The following KRT2 variants were observed in gnomAD, a reference collection of about 807,000 sequenced individuals.
The protein encoded by KRT2 is keratin 2.
In KRT2, 37 loss-of-function variants were observed where a neutral mutation model predicts 48.5. That is an observed-to-expected ratio of 0.76 (90% CI 0.59 to 1.00). The LOEUF (loss-of-function observed/expected upper bound fraction) is 1.00, where lower values mean the gene tolerates loss of function less well. KRT2 is among the 50% of genes least tolerant of loss of function. KRT2 has a pLI of 0.00. For missense variants in KRT2, 880 were observed against 815.2 expected (o/e 1.08, Z -0.97); for synonymous variants, 324 against 312.2 (o/e 1.04, Z -0.40).
intron 3 of KRT2, 29 bp from the exon 4 acceptor site, chr12:52,649,131 A>T: frequency 1.4e-6 from 2 of 1,394,434 alleles, no homozygotes; most frequent in South Asian, 2.3e-5. Context: ...CCTCTGGTGT[A>T]TGGTTCCCTG....
Position 52,645,294 on chromosome 12 carries a change from T to G in KRT2, c.1645A>C (p.Arg549=), listed in dbSNP as rs751091207. The part of the protein sequence containing the change: ...YGSGGRQSGS[R]GGSGGGGSIS... ...GAACCTCCTCCTCCACTACCGCCTC[T>G]GGAGCCAGACTGTCGGCCTCCAGAG... Residue 549 remains arginine (R), a synonymous_variant, in exon 9 of 9, where the codon AGA becomes CGA. Transcript: ENST00000309680. 1 of 1,614,074 alleles carries G rather than the reference T, an allele frequency of 6.2e-7. No homozygotes were observed. The highest frequency in any genetic ancestry group is 8.5e-7 in the Non-Finnish European group (1 of 1,180,004).
Position 52,646,957 on chromosome 12 carries a change from T to A in KRT2, c.1252A>T (p.Lys418Ter). ...GEIAHVKKQC[K>*]NVQDAIADAE... is the part of the protein sequence containing the mutation. ...TCTGCGATGGCATCTTGCACATTCTTACACTATGACAGAAGGACAGAGAAT... is the reference window on the plus strand; with the variant it reads ...TCTGCGATGGCATCTTGCACATTCTAACACTATGACAGAAGGACAGAGAAT... The change falls in exon 7 of 9, where the codon AAG (lysine) becomes TAG (stop). Residue 418 changes from lysine (K) to a stop codon, truncating the protein, a stop_gained. Coordinates refer to ENST00000309680, the MANE Select transcript of KRT2 (RefSeq NM_000423.3). LOFTEE classifies it high-confidence loss of function. The A allele has an allele frequency of 6.2e-7, 1 of 1,613,690 alleles. No homozygotes were observed. Among genetic ancestry groups the A allele is most frequent in the East Asian group, 2.2e-5 (1 of 44,876 alleles).
intron 6 of KRT2, 99 bp downstream of exon 6, chr12:52,647,631 G>C (rs925040620): frequency 8.6e-6 from 12 of 1,391,124 alleles, no homozygotes; most frequent in African/African-American, 1.4e-5. Context: ...CAATATCTCA[G>C]TGTCTCTCAT....
intron 7 of KRT2, among the ~76,000 whole-genome samples, chr12:52,646,078 A>G (rs2120938416): frequency 6.6e-6 from 1 of 152,274 alleles, no homozygotes. Flanking sequence ...TTGCCTCTAG[A>G]CAGGGACAGA....
rs1941169520 is a variant in KRT2 at position 52,646,814 on chromosome 12, C to T, written c.1395G>A (p.Glu465=). ...DLARLLRDYQ[E]LMNVKLALDV... ...CTAGGGCCAGCTTCACGTTCATCAG[C>T]TCCTGGTAGTCACGCAGCAGCCGCG... Residue 465 remains glutamate (E), a synonymous_variant, in exon 7 of 9, where the codon GAG becomes GAA. Transcript: ENST00000309680. 6.2e-7 allele frequency: 1 copy of T among 1,614,188 alleles called. No homozygotes were observed. Among genetic ancestry groups the T allele is most frequent in the Non-Finnish European group, 8.5e-7 (1 of 1,180,020 alleles).
rs778595124 is a variant in KRT2, at chr12:52,646,914, TC to T, written c.1294del (p.Glu432SerfsTer11). 1.9e-6 allele frequency: 3 copies of T among 1,614,164 alleles called. No individual in the cohort carries two copies. The highest frequency in any genetic ancestry group is 1.3e-5 in the African/African-American group (1 of 75,048). The stretch of plus-strand genomic sequence containing the variant: ...GTTCCTGGCATCCTTGAGGGCATGC[TC>T]CCCACGCTGCTCGGCATCTGCGATG... ...DAIADAEQRG[E>X]HALKDARNKL... is the part of the protein sequence containing the mutation. On this transcript the variant is annotated frameshift_variant, in exon 7 of 9. Coordinates refer to ENST00000309680, the MANE Select transcript of KRT2 (RefSeq NM_000423.3). LOFTEE classifies it high-confidence loss of function.
At position 52,648,244 on chromosome 12, in the gene KRT2, C is replaced by T. The variant is rs751634621; in HGVS notation, c.1051G>A (p.Glu351Lys). The change falls in exon 5 of 9, where the codon GAG becomes AAG. Residue 351 changes from glutamate (E) to lysine (K), a missense_variant. Glu to Lys is a moderately conservative substitution (Grantham distance 56, BLOSUM62 1). Coordinates refer to ENST00000309680, the MANE Select transcript of KRT2 (RefSeq NM_000423.3). ...ATCTCCTCATACTGGGCCTTGACCT[C>T]GGCGATGATGCTATCCAAGTCCAGG... is the stretch of plus-strand genomic sequence containing the variant. Reference protein sequence around the residue: ...RNLDLDSIIAEVKAQYEEIAQ... With the variant: ...RNLDLDSIIAKVKAQYEEIAQ... 1.2e-5 allele frequency: 19 copies of T among 1,613,996 alleles called. No individual in the cohort carries two copies. The highest frequency in any genetic ancestry group is 1.4e-5 in the Non-Finnish European group (17 of 1,180,018).
Position 52,644,766 on chromosome 12 carries a change from G to A in KRT2, c.*253C>T. On this transcript the variant is annotated 3_prime_UTR_variant, in exon 9 of 9. Transcript: ENST00000309680. ...AGAGGCATGGTGGGGGCGGGAATGG[G>A]CATGGCTAGAAGCACAAACCTAGAC... 2.2e-5 allele frequency: 12 copies of A among 556,618 alleles called. No individual in the cohort carries two copies. The South Asian group carries it at 2.5e-4, about 12-fold the overall frequency. 34.5% of individuals were successfully genotyped at this position (556,618 alleles called of 1,614,324 possible).
Position 52,648,196 on chromosome 12 carries a change from C to T in KRT2, c.1099G>A (p.Ala367Thr), listed in dbSNP as rs527315226. ...EEIAQRSKEE[A>T]EALYHSKYEE... is the part of the protein sequence containing the mutation. ...GCCTTGCTGTGGTACAGGGCCTCCG[C>T]TTCTTCCTTGCTCCTCTGGGCGATC... Residue 367 changes from alanine (A) to threonine (T), a missense_variant, in exon 5 of 9, where the codon GCG becomes ACG. Physicochemically the swap from Ala to Thr is moderately conservative, Grantham distance 58 (BLOSUM62 0). Coordinates refer to ENST00000309680, the MANE Select transcript of KRT2 (RefSeq NM_000423.3). The T allele has an allele frequency of 4.9e-5, 79 of 1,614,096 alleles. No individual in the cohort carries two copies. Among genetic ancestry groups the T allele is most frequent in the Non-Finnish European group, 6.3e-5 (74 of 1,180,038 alleles).
At chr12:52,648,397 G>A in intron 4 of KRT2, 60 bp from the exon 5 acceptor site, 1 of 1,424,882 alleles carries the variant, frequency 7.0e-7, no homozygotes, top group Non-Finnish European at 9.9e-7. Flanking sequence ...CAGACAGGAG[G>A]CCTCTGTCTC....
At position 52,644,739 on chromosome 12, in the gene KRT2, A is replaced by G. The variant is rs1340526321; in HGVS notation, c.*280T>C. On this transcript the variant is annotated 3_prime_UTR_variant, in exon 9 of 9. Transcript: ENST00000309680. ...TACACATCTGGAAAATGGGCAATGC[A>G]AAGAGGCATGGTGGGGGCGGGAATG... is the stretch of plus-strand genomic sequence containing the variant. 6.0e-6 allele frequency: 3 copies of G among 502,492 alleles called. No homozygotes were observed. The highest frequency in any genetic ancestry group is 3.9e-5 in the African/African-American group (2 of 51,822). 31.1% of individuals were successfully genotyped at this position (502,492 alleles called of 1,614,324 possible).
chr12:52,652,119 T>C lies in KRT2; in HGVS notation c.24A>G (p.Lys8=). 6.4e-7 allele frequency: 1 copy of C among 1,558,458 alleles called. No homozygotes were observed. ...CTCCACCTCCTCCTCTTCCTCGAGATTTGCAAGAGATCTGACAACTCATGA... is the reference window on the plus strand; with the variant it reads ...CTCCACCTCCTCCTCTTCCTCGAGACTTGCAAGAGATCTGACAACTCATGA... MSCQISC[K]SRGRGGGGGG... Residue 8 remains lysine, a synonymous_variant, in exon 1 of 9, where the codon AAA becomes AAG. Transcript: ENST00000309680.
At chr12:52,649,253 G>A (rs544109794) in intron 3 of KRT2, 151 bp from the exon 4 acceptor site, 64 of 680,114 alleles carry the variant, frequency 9.4e-5, no homozygotes, top group Middle Eastern at 7.9e-4. Context: ...TTCTTTTGTC[G>A]TGCAGTTTAC....
chr12:52,651,801 A>G lies in KRT2; in HGVS notation c.342T>C (p.Gly114=). 1 of 1,415,878 alleles carries G rather than the reference A, an allele frequency of 7.1e-7. No individual in the cohort carries two copies. The highest frequency in any genetic ancestry group is 9.7e-7 in the Non-Finnish European group (1 of 1,032,898). The allele number at this position is 1,415,878 out of a possible 1,614,324, so 87.7% of individuals were successfully genotyped here. Reference sequence around the variant, plus strand: ...AGCGGCCTCCACCAAAGCCGCCTCCACCGAAACCACCACCACTGAAGCCGC... The same window carrying G: ...AGCGGCCTCCACCAAAGCCGCCTCCGCCGAAACCACCACCACTGAAGCCGC... The part of the protein sequence containing the change: ...GGSGFSGGGF[G]GGGFGGGRFG... The change falls in exon 1 of 9, where the codon GGT becomes GGC. Residue 114 remains glycine (G), a synonymous_variant. Transcript: ENST00000309680.
At chr12:52,648,902 C>T (rs987885962) in intron 4 of KRT2, 105 bp downstream of exon 4, 8 of 773,546 alleles carry the variant, frequency 1.0e-5, no homozygotes, top group African/African-American at 1.7e-5. Context: ...TTGAAGTCAG[C>T]TGGTCCATAA....
intron 6 of KRT2, among the ~76,000 whole-genome samples, chr12:52,647,225 T>A (rs190981609): frequency 2.0e-5 from 3 of 152,330 alleles, no homozygotes; most frequent in Admixed American, 2.0e-4. Context: ...ATTTTACAGA[T>A]GGAAATGAAA....
intron 5 of KRT2, 64 bp from the exon 6 acceptor site, chr12:52,647,919 C>T: frequency 1.2e-6 from 2 of 1,605,910 alleles, no homozygotes; most frequent in East Asian, 2.2e-5. Context: ...TCCAGACTGA[C>T]TGGAGTGAAG....
Position 52,644,857 on chromosome 12 carries a change from T to G in KRT2, c.*162A>C. ...CTAACTAACTGGTTTGGAGAGAAGATCTTTCAAAAACTGTATGTGGACATT... is the reference window on the plus strand; with the variant it reads ...CTAACTAACTGGTTTGGAGAGAAGAGCTTTCAAAAACTGTATGTGGACATT... On this transcript the variant is annotated 3_prime_UTR_variant, in exon 9 of 9. Transcript: ENST00000309680. 1 of 732,950 alleles carries G rather than the reference T, an allele frequency of 1.4e-6. No individual in the cohort carries two copies. Among genetic ancestry groups the G allele is most frequent in the Non-Finnish European group, 2.3e-6 (1 of 443,816 alleles). The allele number at this position is 732,950 out of a possible 1,614,324, so 45.4% of individuals were successfully genotyped here. A position where few individuals can be genotyped will look rare whatever the true frequency, so the allele number is the denominator to read the frequency against.
At position 52,652,092 on chromosome 12, in the gene KRT2, TC is replaced by T; in HGVS notation, c.50del (p.Gly17GlufsTer27). 6.3e-7 allele frequency: 1 copy of T among 1,586,938 alleles called. No individual in the cohort carries two copies. The highest frequency in any genetic ancestry group is 8.5e-7 in the Non-Finnish European group (1 of 1,172,768). ...CKSRGRGGGGGGFRGFSSGSA... is the reference protein window; with the variant it reads ...CKSRGRGGGGXGFRGFSSGSA... ...AGCCGCTGCTGAAGCCCCGGAATCC[TC>T]CTCCACCTCCTCCTCTTCCTCGAGA... On this transcript the variant is annotated frameshift_variant, in exon 1 of 9. Coordinates refer to ENST00000309680, the MANE Select transcript of KRT2 (RefSeq NM_000423.3). LOFTEE classifies it high-confidence loss of function.
Sources: gnomAD v4.1 joint callset for allele counts (sites outside exome capture counted in the v4.1 genomes callset) on GRCh38, gnomAD v4.1.1 for gene constraint, MANE v1.5 for transcripts, NCBI Gene and HGNC (gene_info 2026-07-23, HGNC 2026-07-21) for gene names.